NEO1: variants seen among roughly 807,000 people sequenced by gnomAD.
NEO1 encodes the protein neogenin.
In NEO1, 63 loss-of-function variants were observed where a neutral mutation model predicts 159.7. The ratio of observed to expected loss-of-function variants is 0.39; its 90% CI spans 0.32 to 0.49. The LOEUF (loss-of-function observed/expected upper bound fraction) is 0.49, where lower values mean the gene tolerates loss of function less well. Ranked by LOEUF, NEO1 falls within the 20% of genes least tolerant of loss-of-function variation. The pLI is 0.85. For missense variants in NEO1, 1,615 were observed against 1,831.0 expected, an observed-to-expected ratio of 0.88 and a Z score of 2.15; for synonymous variants, 633 against 662.0, an observed-to-expected ratio of 0.96 and a Z score of 0.67.
chr15:73,274,848 A>G, intron 21 of NEO1, 124 bp downstream of exon 21: 2 of 907,704 alleles, frequency 2.2e-6, no homozygotes, highest in East Asian at 4.9e-5. Flanking sequence ...AAAGCCACAC[A>G]GTTATTGGCC....
intron 1 of NEO1, among the ~76,000 whole-genome samples, chr15:73,079,753 G>A (rs2068950652): frequency 6.6e-6 from 1 of 152,114 alleles, no homozygotes; most frequent in Non-Finnish European, 1.5e-5. Flanking sequence ...AATTTCCTGG[G>A]CGGAAACGAT....
intron 23 of NEO1, among the ~76,000 whole-genome samples, chr15:73,287,552 A>C (rs1303005160): frequency 6.6e-6 from 1 of 151,988 alleles, no homozygotes. Context: ...CCCATTCTTG[A>C]CTCCACCTAG....
intron 7 of NEO1, among the ~76,000 whole-genome samples, chr15:73,202,624 T>A (rs1222712376): frequency 1.3e-5 from 2 of 152,302 alleles, no homozygotes; most frequent in African/African-American, 2.4e-5. Flanking sequence ...TCCCCCATTT[T>A]AAAAAATTAC....
chr15:73,062,867 G>A (rs2068042641), intron 1 of NEO1, among the ~76,000 whole-genome samples: 1 of 152,182 alleles, frequency 6.6e-6, no homozygotes, highest in African/African-American at 2.4e-5. Flanking sequence ...TTAGGGCTCA[G>A]TTGAAAAGTC....
chr15:73,157,911 C>G (rs2033895257), intron 5 of NEO1, among the ~76,000 whole-genome samples: 1 of 151,812 alleles, frequency 6.6e-6, no homozygotes, highest in African/African-American at 2.4e-5. Flanking sequence ...TCTCATTGTT[C>G]TTTTAAAAAA....
intron 7 of NEO1, among the ~76,000 whole-genome samples, chr15:73,200,522 CTA>C (rs1491587756): frequency 1.4e-5 from 2 of 145,074 alleles, no homozygotes; most frequent in East Asian, 2.0e-4. Flanking sequence ...AAGGGAGTCT[CTA>C]GAGAGAGAGA....
chr15:73,238,015 C>T (rs147551053), intron 8 of NEO1, among the ~76,000 whole-genome samples: 2,063 of 152,236 alleles, frequency 0.014, 19 homozygotes, highest in South Asian at 0.017. Flanking sequence ...CCAAACTTAG[C>T]CCCTCGGTGA....
At chr15:73,071,107 C>T (rs2068509922) in intron 1 of NEO1, among the ~76,000 whole-genome samples, 1 of 152,044 alleles carries the variant, frequency 6.6e-6, no homozygotes, top group South Asian at 2.1e-4. Context: ...GCTACCACAC[C>T]TGGCTAATTT....
intron 24 of NEO1, 98 bp downstream of exon 24, chr15:73,288,649 C>T: frequency 1.0e-6 from 1 of 962,864 alleles, no homozygotes; most frequent in South Asian, 1.5e-5. Context: ...TTGGCAATTC[C>T]TATATGAGAT....
intron 5 of NEO1, among the ~76,000 whole-genome samples, chr15:73,155,819 T>C (rs1433316330): frequency 6.6e-6 from 1 of 152,262 alleles, no homozygotes; most frequent in Admixed American, 6.5e-5. Context: ...TGAAGATATC[T>C]ATCTCGATAA....
chr15:73,146,491 T>C (rs1356165832), intron 5 of NEO1, among the ~76,000 whole-genome samples: 2 of 152,242 alleles, frequency 1.3e-5, no homozygotes, highest in African/African-American at 4.8e-5. Flanking sequence ...TGCTTTATAA[T>C]CCTTTATTGG....
chr15:73,183,832 C>T (rs2035761075), intron 7 of NEO1, among the ~76,000 whole-genome samples: 1 of 152,162 alleles, frequency 6.6e-6, no homozygotes. Context: ...AATTTGAAAC[C>T]TATAGTATAC....
chr15:73,299,029 C>T (rs966218029), intron 27 of NEO1, among the ~76,000 whole-genome samples: 4 of 152,080 alleles, frequency 2.6e-5, no homozygotes, highest in Admixed American at 1.3e-4. Context: ...GCAGAAGTAA[C>T]CTCAGAATAG....
At chr15:73,158,203 A>C (rs1337092435) in intron 5 of NEO1, among the ~76,000 whole-genome samples, 1 of 118,668 alleles carries the variant, frequency 8.4e-6, no homozygotes, top group African/African-American at 3.0e-5. Context: ...AGAAAGAGTG[A>C]GACTCTTTTT....
At chr15:73,064,860 A>G (rs1010423060) in intron 1 of NEO1, among the ~76,000 whole-genome samples, 1 of 152,050 alleles carries the variant, frequency 6.6e-6, no homozygotes, top group African/African-American at 2.4e-5. Context: ...AATCATGTCT[A>G]TTTAATGTAA....
At chr15:73,250,757 A>T (rs921792926) in intron 11 of NEO1, among the ~76,000 whole-genome samples, 1 of 152,182 alleles carries the variant, frequency 6.6e-6, no homozygotes, top group Non-Finnish European at 1.5e-5. Flanking sequence ...AAGAGTAAAG[A>T]CACATGAAAT....
intron 1 of NEO1, among the ~76,000 whole-genome samples, chr15:73,065,700 C>G (rs1478684032): frequency 1.3e-5 from 2 of 152,170 alleles, no homozygotes; most frequent in African/African-American, 4.8e-5. Flanking sequence ...TGTATTTATC[C>G]CGCTTATTGA....
At chr15:73,060,071 A>T (rs1042042093) in intron 1 of NEO1, among the ~76,000 whole-genome samples, 3 of 152,176 alleles carry the variant, frequency 2.0e-5, no homozygotes, top group African/African-American at 7.2e-5. Flanking sequence ...GTCTTTATTT[A>T]TGAGGTCTAG....
intron 7 of NEO1, among the ~76,000 whole-genome samples, chr15:73,206,880 G>T (rs570855728): frequency 1.3e-4 from 19 of 151,846 alleles, no homozygotes; most frequent in Non-Finnish European, 2.1e-4. Flanking sequence ...GAGAGACAGG[G>T]TTTCACTTTG....
Sources: allele counts gnomAD v4.1 joint callset (sites outside exome capture counted in the v4.1 genomes callset), GRCh38; gene constraint gnomAD v4.1.1; transcripts MANE v1.5; gene names NCBI Gene and HGNC (gene_info 2026-07-23, HGNC 2026-07-21).